IFT27: variants seen among roughly 807,000 people sequenced by gnomAD.
The protein encoded by IFT27 is intraflagellar transport 27.
In IFT27, 19 loss-of-function variants were observed where a neutral mutation model predicts 23.9. The observed-to-expected ratio is 0.79, with a 90% CI of 0.55 to 1.16. IFT27 has a LOEUF of 1.16. IFT27 is among the 50% of genes most tolerant of loss of function. The pLI is 0.00. For missense variants in IFT27, 206 were observed against 228.7 expected (o/e 0.90, Z 0.64); for synonymous variants, 91 against 89.1 (o/e 1.02, Z -0.12).
In IFT27 at chr22:36,775,872, G is replaced by A. The variant is rs1035362490; in HGVS notation, c.-165C>T. On this transcript the variant is annotated 5_prime_UTR_variant, in exon 1 of 7. Transcript: ENST00000433985. ...GACGGGACTGGGGATGACCGAGCCCGGCCCTTCTGGGCCGGGGGCGGATAT... is the reference window on the plus strand; with the variant it reads ...GACGGGACTGGGGATGACCGAGCCCAGCCCTTCTGGGCCGGGGGCGGATAT... 10 of 231,856 alleles carry A rather than the reference G, an allele frequency of 4.3e-5. No homozygotes were observed. The highest frequency in any genetic ancestry group is 8.5e-5 in the Non-Finnish European group (10 of 117,984). 14.4% of individuals were successfully genotyped at this position (231,856 alleles called of 1,614,324 possible).
At chr22:36,766,830 T>C (rs1938261582) in intron 3 of IFT27, among the ~76,000 whole-genome samples, 1 of 152,134 alleles carries the variant, frequency 6.6e-6, no homozygotes, top group African/African-American at 2.4e-5. Flanking sequence ...GGCTGGCCTC[T>C]GATCCCTGGC....
chr22:36,775,531 A>G, intron 1 of IFT27, 143 bp downstream of exon 1: 1 of 833,396 alleles, frequency 1.2e-6, no homozygotes, highest in East Asian at 2.6e-5. Context: ...AACGTAATTT[A>G]CTGTATCAGT....
intron 4 of IFT27, among the ~76,000 whole-genome samples, chr22:36,764,646 T>C (rs908127681): frequency 1.3e-5 from 2 of 152,256 alleles, no homozygotes; most frequent in Non-Finnish European, 2.9e-5. Flanking sequence ...CTTGTTAAAA[T>C]GCAGAGGGCA....
At chr22:36,763,812 A>C in intron 5 of IFT27, 107 bp downstream of exon 5, 1 of 851,578 alleles carries the variant, frequency 1.2e-6, no homozygotes, top group Non-Finnish European at 2.0e-6. Context: ...ATCAAAGTCC[A>C]AGCCCAGGGC....
intron 1 of IFT27, 118 bp from the exon 2 acceptor site, chr22:36,767,980 T>C: frequency 1.1e-6 from 1 of 943,374 alleles, no homozygotes; most frequent in Non-Finnish European, 1.8e-6. Flanking sequence ...GAGATGTACT[T>C]GCCTCTCACG....
intron 5 of IFT27, 34 bp from the exon 6 acceptor site, chr22:36,763,047 C>T: frequency 6.8e-7 from 1 of 1,469,990 alleles, no homozygotes; most frequent in Non-Finnish European, 9.4e-7. Flanking sequence ...TATGGCACTT[C>T]ACTGTCACAC....
chr22:36,763,323 G>A (rs1490531808), intron 5 of IFT27: 1 of 293,286 alleles, frequency 3.4e-6, no homozygotes, highest in Admixed American at 4.7e-5. Context: ...AAATTTATGT[G>A]AGCCTTTGTA....
At chr22:36,767,682 A>G (rs73884173) in intron 2 of IFT27, 101 bp downstream of exon 2, 69,795 of 1,072,594 alleles carry the variant, frequency 0.065, 2,687 homozygotes, top group South Asian at 0.091. Flanking sequence ...GCCTTTCATC[A>G]GCTGTCTTAA....
chr22:36,769,486 C>G (rs1213010809), intron 1 of IFT27, among the ~76,000 whole-genome samples: 1 of 152,158 alleles, frequency 6.6e-6, no homozygotes, highest in Non-Finnish European at 1.5e-5. Flanking sequence ...TCCCGAGTAG[C>G]TGGGACTACA....
At chr22:36,774,614 T>C (rs1441042817) in intron 1 of IFT27, among the ~76,000 whole-genome samples, 4 of 151,690 alleles carry the variant, frequency 2.6e-5, no homozygotes, top group Non-Finnish European at 1.5e-5. Context: ...TCGAGACCAG[T>C]CTGGCCAACA....
At position 36,758,337 on chromosome 22, in the gene IFT27, C is replaced by T. The variant is rs772206857; in HGVS notation, c.535G>A (p.Val179Met). Residue 179 changes from valine (V) to methionine (M), a missense_variant, in exon 7 of 7, where the codon GTG becomes ATG. Transcript: ENST00000433985. ...CATGCCAGGGCCCGGAAAACCTCCA[C>T]CTTCTCCCGGTACAGCTGGTGGAAC... ...KQFHQLYREK[V>M]EVFRALA 1 of 1,614,184 alleles carries T rather than the reference C, an allele frequency of 6.2e-7. No individual in the cohort carries two copies. The highest frequency in any genetic ancestry group is 1.1e-5 in the South Asian group (1 of 91,086).
Position 36,762,939 on chromosome 22 carries a change from G to T in IFT27, c.427C>A (p.Leu143Met). 1 of 1,594,884 alleles carries T rather than the reference G, an allele frequency of 6.3e-7. No homozygotes were observed. Among genetic ancestry groups the T allele is most frequent in the Non-Finnish European group, 8.6e-7 (1 of 1,167,614 alleles). The change falls in exon 6 of 7, where the codon CTG becomes ATG. Residue 143 changes from leucine (L) to methionine (M), a missense_variant. Transcript: ENST00000433985. ...TCAAAACATTCCAGGCCCTGGCCCA[G>T]CGCCCATGCCCGGGCCTCAGCTGAG... Reference protein sequence around the residue: ...VDSAEARAWALGQGLECFETS... With the variant: ...VDSAEARAWAMGQGLECFETS...
In IFT27 at chr22:36,775,938, G is replaced by C. The variant is rs1051671376; in HGVS notation, c.-231C>G. 5 of 594,372 alleles carry C rather than the reference G, an allele frequency of 8.4e-6. No homozygotes were observed. The highest frequency in any genetic ancestry group is 1.5e-5 in the Non-Finnish European group (5 of 333,716). 36.8% of individuals were successfully genotyped at this position (594,372 alleles called of 1,614,324 possible). A position where few individuals can be genotyped will look rare whatever the true frequency, so the allele number is the denominator to read the frequency against. On this transcript the variant is annotated 5_prime_UTR_variant, in exon 1 of 7. Transcript: ENST00000433985. ...GGTGGGCAGGGGAGGGCTCCAGGTG[G>C]GCCCGGCTCGAGGCCTGACACGGCA... is the stretch of plus-strand genomic sequence containing the variant.
In IFT27 at chr22:36,766,142, T is replaced by C. The variant is rs781219570; in HGVS notation, c.230A>G (p.Lys77Arg). The C allele has an allele frequency of 1.2e-6, 2 of 1,613,994 alleles. No individual in the cohort carries two copies. Among genetic ancestry groups the C allele is most frequent in the Middle Eastern group, 1.6e-4 (1 of 6,062 alleles). ...AAAAGACCACGTGCTACTTGCCAAT[T>C]TATCCAGCATTTCCGAAAACAGCTC... ...GKELFSEMLDKLWESPNVLCL... is the reference protein window; with the variant it reads ...GKELFSEMLDRLWESPNVLCL... Residue 77 changes from lysine (K) to arginine (R), a missense_variant, in exon 4 of 7, where the codon AAA becomes AGA. Lys to Arg is a conservative substitution (Grantham distance 26). Transcript: ENST00000433985.
intron 6 of IFT27, chr22:36,762,204 G>C (rs931393065): frequency 6.6e-6 from 1 of 152,248 alleles, no homozygotes; most frequent in Non-Finnish European, 1.5e-5. Context: ...AAGGAGGATG[G>C]GACTTTAAAA....
At chr22:36,774,349 C>T (rs1410180354) in intron 1 of IFT27, among the ~76,000 whole-genome samples, 2 of 152,210 alleles carry the variant, frequency 1.3e-5, no homozygotes, top group Non-Finnish European at 2.9e-5. Context: ...CTCACCACTT[C>T]TTTCCTGAGC....
intron 1 of IFT27, among the ~76,000 whole-genome samples, chr22:36,769,017 C>T (rs1317548159): frequency 6.6e-6 from 1 of 152,232 alleles, no homozygotes; most frequent in African/African-American, 2.4e-5. Flanking sequence ...CCACTGTTCA[C>T]TTTTCAGTTT....
Position 36,767,363 on chromosome 22 carries a change from T to C in IFT27, c.117A>G (p.Thr39=). 2 of 1,612,588 alleles carry C rather than the reference T, an allele frequency of 1.2e-6. No individual in the cohort carries two copies. Among genetic ancestry groups the C allele is most frequent in the Non-Finnish European group, 1.7e-6 (2 of 1,179,122 alleles). The change falls in exon 3 of 7, where the codon ACA becomes ACG. Residue 39 remains threonine, a splice_region_variant and synonymous_variant. Transcript: ENST00000433985. ...GAHFQKSYTL[T]TGMDLVVKTV... ...TCTTCACCACCAAATCCATTCCTGT[T>C]GTCTGCCGAGGAACACCAAGAATGT...
intron 1 of IFT27, among the ~76,000 whole-genome samples, chr22:36,771,489 GGAAA>G (rs1226185928): frequency 6.6e-6 from 1 of 152,168 alleles, no homozygotes; most frequent in Non-Finnish European, 1.5e-5. Flanking sequence ...CCTCCCAGTG[GGAAA>G]TGGGTCCTGG....
Sources: gnomAD v4.1 joint callset for allele counts (sites outside exome capture counted in the v4.1 genomes callset) on GRCh38, gnomAD v4.1.1 for gene constraint, MANE v1.5 for transcripts, NCBI Gene and HGNC (gene_info 2026-07-23, HGNC 2026-07-21) for gene names.